Variants in EDN1 observed in about 807,000 individuals in gnomAD.
EDN1 encodes endothelin 1.
Under a neutral mutation model 21.7 loss-of-function variants are expected in EDN1, and 11 were observed. That is an observed-to-expected ratio of 0.51 (90% CI 0.32 to 0.84). The LOEUF is 0.84. Among genes scored for constraint, EDN1 ranks in the 40% least tolerant of loss-of-function variants. EDN1 has a pLI of 0.03. For synonymous variants in EDN1, 85 were observed against 90.6 expected, an observed-to-expected ratio of 0.94 and a Z score of 0.35; for missense variants, 244 against 262.3, an observed-to-expected ratio of 0.93 and a Z score of 0.48.
the EDN1 span, among the ~76,000 whole-genome samples, chr6:12,268,133 A>T: frequency 1.2e-4 from 19 of 152,172 alleles, no homozygotes; most frequent in Non-Finnish European, 2.5e-4. Context: ...AAAGAGATTA[A>T]TGTTTTCCTA....
upstream of EDN1, among the ~76,000 whole-genome samples, chr6:12,285,945 T>C (rs909390431): frequency 2.0e-5 from 3 of 152,232 alleles, no homozygotes; most frequent in Admixed American, 2.0e-4. Flanking sequence ...GTAGTTTTTT[T>C]AACCATACCA....
the EDN1 span, among the ~76,000 whole-genome samples, chr6:12,283,196 C>T: frequency 1.3e-5 from 2 of 152,276 alleles, no homozygotes; most frequent in East Asian, 1.9e-4. Flanking sequence ...TTTTGTCCTA[C>T]GAAGACAACC....
the EDN1 span, among the ~76,000 whole-genome samples, chr6:12,249,568 G>A: frequency 1.3e-5 from 2 of 151,140 alleles, no homozygotes; most frequent in East Asian, 3.9e-4. Flanking sequence ...GAGCCAGAGA[G>A]AAAGCAAGGG....
upstream of EDN1, among the ~76,000 whole-genome samples, chr6:12,287,648 TTCTC>T (rs550775165): frequency 7.7e-6 from 1 of 129,680 alleles, no homozygotes; most frequent in Non-Finnish European, 1.6e-5. Context: ...GACACGGAAA[TTCTC>T]TCTCTCTCTT....
chr6:12,282,445 A>G, the EDN1 span, among the ~76,000 whole-genome samples: 2 of 152,232 alleles, frequency 1.3e-5, no homozygotes, highest in Admixed American at 6.5e-5. Context: ...TCCACTTTGT[A>G]GCAAGATTAT....
chr6:12,235,612 G>A, the EDN1 span, among the ~76,000 whole-genome samples: 3 of 152,116 alleles, frequency 2.0e-5, no homozygotes, highest in South Asian at 2.1e-4. Context: ...CTCTCACTCC[G>A]AATTTCTTAC....
At chr6:12,247,536 CTTTTTTTTTTTTT>C in the EDN1 span, among the ~76,000 whole-genome samples, 1 of 97,752 alleles carries the variant, frequency 1.0e-5, no homozygotes, top group South Asian at 3.4e-4. Context: ...TTCTTTCTTT[CTTTTTTTTTTTTT>C]TTTTTTTTGG....
At chr6:12,251,813 G>A in the EDN1 span, among the ~76,000 whole-genome samples, 157 of 152,276 alleles carry the variant, frequency 1.0e-3, no homozygotes, top group African/African-American at 3.5e-3. Flanking sequence ...ATGACTGTGC[G>A]TGCCTGAGGG....
the EDN1 span, among the ~76,000 whole-genome samples, chr6:12,275,502 T>A: frequency 6.6e-6 from 1 of 152,178 alleles, no homozygotes; most frequent in Non-Finnish European, 1.5e-5. Context: ...ATTTAATTTT[T>A]CCCCAACCTT....
In EDN1 at chr6:12,297,002, T is replaced by C. The variant is rs1762842595; in HGVS notation, c.*935T>C. On this transcript the variant is annotated 3_prime_UTR_variant, in exon 5 of 5. Transcript: ENST00000379375. ...AAAGAGGTTGGATTGAATTTTGATG[T>C]ACTTATTTTTTTATAGATATTTATA... 6.6e-6 allele frequency: 1 copy of C among 152,232 alleles called. No individual in the cohort carries two copies. Among genetic ancestry groups the C allele is most frequent in the African/African-American group, 2.4e-5 (1 of 41,454 alleles). The allele number at this position is 152,232 out of a possible 1,614,324, so 9.4% of individuals were successfully genotyped here.
At chr6:12,261,755 A>G in the EDN1 span, among the ~76,000 whole-genome samples, 4 of 152,334 alleles carry the variant, frequency 2.6e-5, no homozygotes, top group East Asian at 7.7e-4. Flanking sequence ...GCATGTATTT[A>G]AAGAACAGAT....
the EDN1 span, among the ~76,000 whole-genome samples, chr6:12,259,695 A>T: frequency 2.6e-5 from 4 of 151,988 alleles, no homozygotes; most frequent in Admixed American, 6.6e-5. Context: ...TTACTGAAAG[A>T]AAAGGAAAGA....
At chr6:12,292,220 T>C in intron 1 of EDN1, 121 bp from the exon 2 acceptor site, 1 of 1,382,994 alleles carries the variant, frequency 7.2e-7, no homozygotes, top group Non-Finnish European at 1.0e-6. Context: ...TTCTTGCTGA[T>C]GGCAGGCTGT....
the EDN1 span, among the ~76,000 whole-genome samples, chr6:12,282,909 AG>A: frequency 3.3e-5 from 5 of 152,066 alleles, no homozygotes; most frequent in East Asian, 9.6e-4. Context: ...ATCTGTACTT[AG>A]GGAAATAGCA....
At chr6:12,268,938 C>T in the EDN1 span, among the ~76,000 whole-genome samples, 1 of 152,060 alleles carries the variant, frequency 6.6e-6, no homozygotes, top group African/African-American at 2.4e-5. Flanking sequence ...GACATTTTAA[C>T]AATATTAATT....
At chr6:12,238,023 A>G in the EDN1 span, among the ~76,000 whole-genome samples, 1 of 151,860 alleles carries the variant, frequency 6.6e-6, no homozygotes, top group Non-Finnish European at 1.5e-5. Flanking sequence ...CACAAAAAAT[A>G]TTTGTCAGGC....
upstream of EDN1, among the ~76,000 whole-genome samples, chr6:12,289,921 C>T (rs1412848666): frequency 6.6e-6 from 1 of 152,090 alleles, no homozygotes; most frequent in Non-Finnish European, 1.5e-5. Flanking sequence ...ATCGGAGAGA[C>T]ATAAAAGGAA....
intron 2 of EDN1, among the ~76,000 whole-genome samples, chr6:12,293,221 C>A (rs1388017503): frequency 6.6e-6 from 1 of 152,196 alleles, no homozygotes; most frequent in African/African-American, 2.4e-5. Flanking sequence ...ACCGTTATGA[C>A]AAAGGAGGAC....
chr6:12,241,998 G>A, the EDN1 span, among the ~76,000 whole-genome samples: 11 of 152,176 alleles, frequency 7.2e-5, no homozygotes, highest in South Asian at 2.1e-4. Flanking sequence ...CCATAACCCC[G>A]TTAGGTAATA....
Sources: gnomAD v4.1 joint callset for allele counts (sites outside exome capture counted in the v4.1 genomes callset) on GRCh38, gnomAD v4.1.1 for gene constraint, MANE v1.5 for transcripts, NCBI Gene and HGNC (gene_info 2026-07-23, HGNC 2026-07-21) for gene names.